The following OXCT1 variants were observed in gnomAD, a reference collection of about 807,000 sequenced individuals.
The protein encoded by OXCT1 is succinyl-CoA:3-ketoacid coenzyme A transferase 1, mitochondrial.
OXCT1 carries 27 observed loss-of-function variants against 69.6 expected under a neutral mutation model. That is an observed-to-expected ratio of 0.39 (90% confidence interval 0.29 to 0.54). The LOEUF is 0.54. Among genes scored for constraint, OXCT1 ranks in the 20% least tolerant of loss-of-function variants. OXCT1 has a pLI of 0.72. For synonymous variants in OXCT1, 202 were observed against 217.8 expected (o/e 0.93, Z 0.64); for missense variants, 437 against 650.2 (o/e 0.67, Z 3.57).
intron 11 of OXCT1, among the ~76,000 whole-genome samples, chr5:41,797,033 A>G (rs565800679): frequency 6.6e-6 from 1 of 152,328 alleles, no homozygotes; most frequent in Non-Finnish European, 1.5e-5. Flanking sequence ...TCTAGACACA[A>G]TGTCTATAAC....
At chr5:41,793,062 C>T (rs147516052) in intron 13 of OXCT1, among the ~76,000 whole-genome samples, 1 of 152,310 alleles carries the variant, frequency 6.6e-6, no homozygotes, top group Admixed American at 6.5e-5. Context: ...GCTAGACTAA[C>T]ATGATCTCTA....
At chr5:41,769,004 T>C (rs1579696978) in intron 13 of OXCT1, among the ~76,000 whole-genome samples, 3 of 152,182 alleles carry the variant, frequency 2.0e-5, no homozygotes, top group East Asian at 3.9e-4. Flanking sequence ...TTGAGGTTTC[T>C]CCTTCATACT....
chr5:41,795,777 T>C (rs944893529), intron 11 of OXCT1, among the ~76,000 whole-genome samples: 4 of 152,210 alleles, frequency 2.6e-5, no homozygotes, highest in African/African-American at 7.2e-5. Flanking sequence ...TAATTAATGA[T>C]TGTGGTAATC....
At chr5:41,798,260 G>C (rs936718462) in intron 11 of OXCT1, among the ~76,000 whole-genome samples, 14 of 152,166 alleles carry the variant, frequency 9.2e-5, no homozygotes, top group African/African-American at 3.4e-4. Context: ...AAGCCATAAT[G>C]GTTGGTTGCA....
intron 5 of OXCT1, 151 bp downstream of exon 5, chr5:41,849,879 A>G: frequency 1.2e-6 from 1 of 808,580 alleles, no homozygotes; most frequent in South Asian, 1.4e-5. Flanking sequence ...GTGGATGCCC[A>G]GATTTAGCTA....
chr5:41,741,262 T>C (rs1743153129), intron 15 of OXCT1, among the ~76,000 whole-genome samples: 1 of 152,148 alleles, frequency 6.6e-6, no homozygotes, highest in African/African-American at 2.4e-5. Context: ...AACCAATTTT[T>C]CAATTGGCTT....
chr5:41,868,702 G>C lies in OXCT1; in HGVS notation c.78+1579C>G, dbSNP rs897645491. Among the ~76,000 whole-genome samples, 49 of 150,528 alleles carry C rather than the reference G, an allele frequency of 3.3e-4. 1 individual carries two copies. The highest frequency in any genetic ancestry group is 1.1e-3 in the African/African-American group (46 of 40,874). ...CCCGCCACTGCACTCCAGCCTGGGCGACAGAGCGAGACTCCGTCTCAAAAA... is the reference window on the plus strand; with the variant it reads ...CCCGCCACTGCACTCCAGCCTGGGCCACAGAGCGAGACTCCGTCTCAAAAA... On this transcript the variant is annotated intron_variant, in intron 1 of 16. Coordinates refer to ENST00000196371, the MANE Select transcript of OXCT1 (RefSeq NM_000436.4).
At chr5:41,773,161 C>T (rs915454919) in intron 13 of OXCT1, among the ~76,000 whole-genome samples, 20 of 152,102 alleles carry the variant, frequency 1.3e-4, no homozygotes, top group Non-Finnish European at 2.8e-4. Context: ...TCTACCTTAT[C>T]TTTTTAAGTC....
At chr5:41,820,541 G>A (rs750517106) in intron 7 of OXCT1, among the ~76,000 whole-genome samples, 1 of 152,070 alleles carries the variant, frequency 6.6e-6, no homozygotes, top group Admixed American at 6.6e-5. Flanking sequence ...AATATCTTTC[G>A]TTAGGGATTA....
chr5:41,797,056 A>T (rs892951523), intron 11 of OXCT1, among the ~76,000 whole-genome samples: 1 of 152,232 alleles, frequency 6.6e-6, no homozygotes, highest in South Asian at 2.1e-4. Context: ...GCAAATTCAG[A>T]TCCTCATCAG....
At chr5:41,846,931 T>C (rs1748937349) in intron 5 of OXCT1, among the ~76,000 whole-genome samples, 1 of 152,226 alleles carries the variant, frequency 6.6e-6, no homozygotes, top group Non-Finnish European at 1.5e-5. Flanking sequence ...ATGTCTTCTT[T>C]TGAGAAGTGT....
intron 7 of OXCT1, among the ~76,000 whole-genome samples, chr5:41,825,075 A>T (rs146969040): frequency 2.1e-3 from 324 of 152,350 alleles, no homozygotes; most frequent in African/African-American, 7.4e-3. Context: ...AAAAGGTAGC[A>T]GGGTTCTTCA....
chr5:41,819,996 A>G (rs114818180), intron 7 of OXCT1, among the ~76,000 whole-genome samples: 1,808 of 152,200 alleles, frequency 0.012, 14 homozygotes, highest in Non-Finnish European at 0.019. Context: ...GCTGGGTTCT[A>G]ATCTAGAGTG....
intron 15 of OXCT1, among the ~76,000 whole-genome samples, chr5:41,748,716 C>T (rs74851627): frequency 1.8e-3 from 273 of 152,166 alleles, no homozygotes; most frequent in Middle Eastern, 6.8e-3. Context: ...CACTGTCACA[C>T]CTCAGTGAGG....
At chr5:41,779,157 G>T (rs979532139) in intron 13 of OXCT1, among the ~76,000 whole-genome samples, 6 of 152,024 alleles carry the variant, frequency 3.9e-5, no homozygotes, top group South Asian at 2.1e-4. Flanking sequence ...CTCAAATATC[G>T]ATTTTTTTCT....
chr5:41,846,111 T>C (rs370631324), intron 5 of OXCT1, among the ~76,000 whole-genome samples: 5 of 151,256 alleles, frequency 3.3e-5, no homozygotes, highest in East Asian at 1.9e-4. Flanking sequence ...TATTTATTTA[T>C]GTATGTATGT....
chr5:41,787,262 T>C (rs1745683336), intron 13 of OXCT1, among the ~76,000 whole-genome samples: 1 of 152,150 alleles, frequency 6.6e-6, no homozygotes, highest in Admixed American at 6.6e-5. Flanking sequence ...TTAATGATAT[T>C]AAACAGTTAG....
At chr5:41,853,367 A>C in intron 4 of OXCT1, 52 bp downstream of exon 4, 1 of 1,549,858 alleles carries the variant, frequency 6.5e-7, no homozygotes, top group Non-Finnish European at 8.9e-7. Flanking sequence ...ACGGAGAAAA[A>C]AGGAATTTTT....
chr5:41,795,647 A>G (rs973385678), intron 11 of OXCT1, among the ~76,000 whole-genome samples: 1 of 152,154 alleles, frequency 6.6e-6, no homozygotes, highest in Non-Finnish European at 1.5e-5. Flanking sequence ...TGAGATGCTA[A>G]TGTACAGCAT....
Sources: gnomAD v4.1 joint callset for allele counts (sites outside exome capture counted in the v4.1 genomes callset) on GRCh38, gnomAD v4.1.1 for gene constraint, MANE v1.5 for transcripts, NCBI Gene and HGNC (gene_info 2026-07-23, HGNC 2026-07-21) for gene names.